Variants in LEMD3 observed in about 807,000 individuals in gnomAD.
The protein encoded by LEMD3 is LEM domain containing 3.
In LEMD3, 33 loss-of-function variants were observed where a neutral mutation model predicts 95.2. The observed-to-expected ratio is 0.35, with a 90% CI of 0.26 to 0.46. The LOEUF (loss-of-function observed/expected upper bound fraction) is 0.46, where lower values mean the gene tolerates loss of function less well. Among genes scored for constraint, LEMD3 ranks in the 20% least tolerant of loss-of-function variants. The pLI is 1.00. For synonymous variants in LEMD3, 525 were observed against 474.6 expected, an observed-to-expected ratio of 1.11 and a Z score of -1.38; for missense variants, 1,210 against 1,192.8, an observed-to-expected ratio of 1.01 and a Z score of -0.21.
At chr12:65,236,102 A>G (rs1038399008) in intron 4 of LEMD3, among the ~76,000 whole-genome samples, 1 of 152,252 alleles carries the variant, frequency 6.6e-6, no homozygotes, top group Non-Finnish European at 1.5e-5. Context: ...ATTAGGAAGT[A>G]AACTATACTG....
At chr12:65,219,812 C>T (rs10878248) in intron 4 of LEMD3, among the ~76,000 whole-genome samples, 67,957 of 151,968 alleles carry the variant, frequency 0.45, 18,224 homozygotes, top group Middle Eastern at 0.63. Flanking sequence ...CAATTTTTGT[C>T]CTGTGACTGG....
intron 4 of LEMD3, among the ~76,000 whole-genome samples, chr12:65,236,420 C>T (rs1052769128): frequency 6.6e-6 from 1 of 152,040 alleles, no homozygotes; most frequent in East Asian, 1.9e-4. Context: ...TGGTGGCACA[C>T]GCCTGTAGTA....
At chr12:65,192,105 TA>T (rs35863115) in intron 1 of LEMD3, among the ~76,000 whole-genome samples, 3,641 of 137,908 alleles carry the variant, frequency 0.026, 130 homozygotes, top group African/African-American at 0.084. Flanking sequence ...CACAGTTGCT[TA>T]AAAAAAAAAA....
intron 1 of LEMD3, among the ~76,000 whole-genome samples, chr12:65,186,246 C>T (rs1869058791): frequency 6.6e-6 from 1 of 151,754 alleles, no homozygotes; most frequent in South Asian, 2.1e-4. Context: ...TTGCCCGTTG[C>T]TTTTTATTGT....
At chr12:65,195,301 A>G (rs1346616933) in intron 1 of LEMD3, among the ~76,000 whole-genome samples, 2 of 152,116 alleles carry the variant, frequency 1.3e-5, no homozygotes, top group Admixed American at 6.6e-5. Context: ...AATGTAACAC[A>G]TGTACGTAAA....
At chr12:65,211,444 A>G (rs575904198) in intron 2 of LEMD3, among the ~76,000 whole-genome samples, 8 of 152,308 alleles carry the variant, frequency 5.3e-5, no homozygotes, top group Non-Finnish European at 8.8e-5. Context: ...TATTTCTTTA[A>G]TTTTTTAAAG....
At position 65,246,303 on chromosome 12, in the gene LEMD3, C is replaced by G; in HGVS notation, c.2714C>G (p.Thr905Ser). The change falls in exon 13 of 13, where the codon ACC becomes AGC. Residue 905 changes from threonine (T) to serine (S), a missense_variant. Coordinates refer to ENST00000308330, the MANE Select transcript of LEMD3 (RefSeq NM_014319.5). ...CATCTTCGTCTTCGGACTGGCCTAA[C>G]CAATTCTCAAGGAAGTTCCTGAAAA... ...MSHLRLRTGL[T>S]NSQGSS The G allele has an allele frequency of 6.2e-7, 1 of 1,613,346 alleles. No individual in the cohort carries two copies. The highest frequency in any genetic ancestry group is 8.5e-7 in the Non-Finnish European group (1 of 1,179,534).
chr12:65,172,385 A>G (rs1417790156), intron 1 of LEMD3, among the ~76,000 whole-genome samples: 2 of 152,200 alleles, frequency 1.3e-5, no homozygotes, highest in Non-Finnish European at 2.9e-5. Context: ...TTATTTCAAA[A>G]TAGAGTGAAA....
At chr12:65,180,205 C>G (rs1238066050) in intron 1 of LEMD3, among the ~76,000 whole-genome samples, 1 of 152,060 alleles carries the variant, frequency 6.6e-6, no homozygotes, top group Non-Finnish European at 1.5e-5. Context: ...CTCGGCCTCT[C>G]AAAGTGCTGG....
intron 2 of LEMD3, 50 bp from the exon 3 acceptor site, chr12:65,215,927 G>GTT (rs34604927): frequency 1.2e-3 from 804 of 686,868 alleles, no homozygotes; most frequent in Non-Finnish European, 1.5e-3. Flanking sequence ...ATTATTTGGT[G>GTT]TTTTTTTTCT....
chr12:65,194,097 G>A (rs1426796558), intron 1 of LEMD3, among the ~76,000 whole-genome samples: 1 of 152,112 alleles, frequency 6.6e-6, no homozygotes, highest in Non-Finnish European at 1.5e-5. Flanking sequence ...TTTTGGGTTA[G>A]TTCCATTGTC....
intron 2 of LEMD3, among the ~76,000 whole-genome samples, chr12:65,212,073 C>G (rs1869955103): frequency 6.6e-6 from 1 of 152,162 alleles, no homozygotes; most frequent in African/African-American, 2.4e-5. Flanking sequence ...GGAGGCCTCA[C>G]AGTCGTGGCG....
chr12:65,222,580 G>C (rs540850248), intron 4 of LEMD3, among the ~76,000 whole-genome samples: 1 of 151,962 alleles, frequency 6.6e-6, no homozygotes, highest in Non-Finnish European at 1.5e-5. Flanking sequence ...TTAAGGGTTT[G>C]TCAATTTTGA....
chr12:65,197,850 G>A (rs1272341345), intron 1 of LEMD3, among the ~76,000 whole-genome samples: 1 of 151,928 alleles, frequency 6.6e-6, no homozygotes, highest in Non-Finnish European at 1.5e-5. Context: ...TACTATTTAA[G>A]TCTTACTCAT....
In LEMD3 at chr12:65,169,867, G is replaced by A. The variant is rs1868457742; in HGVS notation, c.271G>A (p.Val91Ile). ...PAAAAAAGMG[V>I]RPVSGDLSYL... ...GGCGGCGGCGGCCGCGGGGATGGGGGTCCGGCCGGTCTCGGGCGACCTCTC... is the reference window on the plus strand; with the variant it reads ...GGCGGCGGCGGCCGCGGGGATGGGGATCCGGCCGGTCTCGGGCGACCTCTC... The change falls in exon 1 of 13, where the codon GTC (valine) becomes ATC (isoleucine). Residue 91 changes from valine (V) to isoleucine (I), a missense_variant. Physicochemically the swap from Val to Ile is conservative, Grantham distance 29. Coordinates refer to ENST00000308330, the MANE Select transcript of LEMD3 (RefSeq NM_014319.5). The A allele has an allele frequency of 8.2e-6, 12 of 1,458,348 alleles. No homozygotes were observed. Among genetic ancestry groups the A allele is most frequent in the Non-Finnish European group, 1.0e-5 (11 of 1,104,870 alleles). 90.3% of individuals were successfully genotyped at this position (1,458,348 alleles called of 1,614,324 possible). A position where few individuals can be genotyped will look rare whatever the true frequency, so the allele number is the denominator to read the frequency against.
intron 12 of LEMD3, 38 bp downstream of exon 12, chr12:65,245,977 A>T: frequency 6.7e-7 from 1 of 1,481,604 alleles, no homozygotes; most frequent in South Asian, 1.1e-5. Context: ...TTGAAAAGAT[A>T]GTTATAGTTT....
At chr12:65,237,092 CAT>C (rs1372765990) in intron 4 of LEMD3, among the ~76,000 whole-genome samples, 8 of 151,692 alleles carry the variant, frequency 5.3e-5, no homozygotes, top group African/African-American at 1.9e-4. Flanking sequence ...ATTACAAATA[CAT>C]GTTTATATTA....
rs748609383 is a variant in LEMD3, at chr12:65,240,143, A to G, written c.2031A>G (p.Leu677=). ...YDMVVKIIDV[L]RSHNEACQEN... is the part of the protein sequence containing the mutation. ...AATTTTATTTATTTTTAGATGTTTTACGAAGTCATAATGAAGCCTGCCAGG... is the reference window on the plus strand; with the variant it reads ...AATTTTATTTATTTTTAGATGTTTTGCGAAGTCATAATGAAGCCTGCCAGG... Residue 677 remains leucine (L), a synonymous_variant, in exon 8 of 13, where the codon TTA becomes TTG. Coordinates refer to ENST00000308330, the MANE Select transcript of LEMD3 (RefSeq NM_014319.5). 6.2e-7 allele frequency: 1 copy of G among 1,611,940 alleles called. No individual in the cohort carries two copies. Among genetic ancestry groups the G allele is most frequent in the South Asian group, 1.1e-5 (1 of 91,026 alleles).
At chr12:65,211,460 T>G (rs1313258866) in intron 2 of LEMD3, among the ~76,000 whole-genome samples, 2 of 152,244 alleles carry the variant, frequency 1.3e-5, no homozygotes, top group African/African-American at 4.8e-5. Context: ...TAAAGAGTGC[T>G]ATAATACTAA....
Sources: allele counts gnomAD v4.1 joint callset (sites outside exome capture counted in the v4.1 genomes callset), GRCh38; gene constraint gnomAD v4.1.1; transcripts MANE v1.5; gene names NCBI Gene and HGNC (gene_info 2026-07-23, HGNC 2026-07-21).